BEND7: variants seen among roughly 807,000 people sequenced by gnomAD.
The protein encoded by BEND7 is BEN domain-containing protein 7.
In BEND7, 28 loss-of-function variants were observed where a neutral mutation model predicts 50.9. That is an observed-to-expected ratio of 0.55 (90% CI 0.41 to 0.75). BEND7 has a LOEUF of 0.75. Ranked by LOEUF, BEND7 falls within the 30% of genes least tolerant of loss-of-function variation. BEND7 has a pLI of 0.00. For missense variants in BEND7, 477 were observed against 491.3 expected, an observed-to-expected ratio of 0.97 and a Z score of 0.28; for synonymous variants, 170 against 183.9, an observed-to-expected ratio of 0.92 and a Z score of 0.61.
chr10:13,524,063 GCAA>G (rs1450326457), intron 2 of BEND7, among the ~76,000 whole-genome samples: 10 of 152,196 alleles, frequency 6.6e-5, no homozygotes, highest in African/African-American at 1.9e-4. Context: ...AAGAAGAAAA[GCAA>G]CAACGTCTAT....
Position 13,511,463 on chromosome 10 carries a change from G to C in BEND7, c.146-11383C>G, listed in dbSNP as rs560076340. 3 of 152,246 alleles carry C rather than the reference G, an allele frequency of 2.0e-5. No individual in the cohort carries two copies. The South Asian group carries it at 6.2e-4, about 32-fold the overall frequency. The allele number at this position is 152,246 out of a possible 1,614,324, so 9.4% of individuals were successfully genotyped here. A position where few individuals can be genotyped will look rare whatever the true frequency, so the allele number is the denominator to read the frequency against. ...TGTGGTATTCTCAAGCTGGGTATAA[G>C]GCAACTGGTAGATGTAGCTGTGGAC... On this transcript the variant is annotated intron_variant, in intron 2 of 8. Transcript: ENST00000466271.
intron 8 of BEND7, chr10:13,445,541 TG>T (rs1554802511): frequency 6.6e-6 from 1 of 152,176 alleles, no homozygotes; most frequent in Non-Finnish European, 1.5e-5. Context: ...TTAATGTTTC[TG>T]GGCCTCAGGC....
At chr10:13,472,045 A>G (rs377403695) in intron 6 of BEND7, among the ~76,000 whole-genome samples, 38 of 151,274 alleles carry the variant, frequency 2.5e-4, no homozygotes, top group African/African-American at 9.0e-4. Flanking sequence ...ACCCGTCATC[A>G]CTGTTAGACT....
At position 13,454,710 on chromosome 10, in the gene BEND7, A is replaced by C. The variant is rs61833863; in HGVS notation, c.1064-2052T>G. ...TGCATTATTTTTTATTGCTGCATTG[A>C]ATTTTTTTTTTCCTGAATATTTTCA... On this transcript the variant is annotated intron_variant, in intron 6 of 8. Coordinates refer to ENST00000466271, the MANE Select transcript of BEND7 (RefSeq NM_001369863.1). Among the ~76,000 whole-genome samples, 1,099 of 152,226 alleles carry C rather than the reference A, an allele frequency of 7.2e-3. 2 individuals are homozygous for C. The highest frequency in any genetic ancestry group is 0.012 in the Non-Finnish European group (834 of 68,008).
intron 6 of BEND7, among the ~76,000 whole-genome samples, chr10:13,469,130 G>A (rs2153442): frequency 0.54 from 81,873 of 152,070 alleles, 22,805 homozygotes; most frequent in East Asian, 0.75. Flanking sequence ...TTAAAATAAC[G>A]AAGATTGGAT....
chr10:13,499,738 C>A, intron 3 of BEND7, 40 bp downstream of exon 3: 4 of 1,557,846 alleles, frequency 2.6e-6, no homozygotes, highest in Non-Finnish European at 3.5e-6. Flanking sequence ...ACAGTACAAA[C>A]CCCCATGAGA....
At chr10:13,501,441 A>G (rs1027862822) in intron 2 of BEND7, among the ~76,000 whole-genome samples, 3 of 151,928 alleles carry the variant, frequency 2.0e-5, no homozygotes, top group Admixed American at 1.3e-4. Flanking sequence ...GAGGATGCTG[A>G]TATCTGTTAG....
chr10:13,489,432 A>G (rs562317047), intron 5 of BEND7, among the ~76,000 whole-genome samples: 1 of 152,312 alleles, frequency 6.6e-6, no homozygotes, highest in East Asian at 1.9e-4. Flanking sequence ...CGCAGTGGAC[A>G]AGGGCAGATG....
At chr10:13,471,715 G>A (rs34318495) in intron 6 of BEND7, among the ~76,000 whole-genome samples, 14,625 of 152,274 alleles carry the variant, frequency 0.096, 738 homozygotes, top group Middle Eastern at 0.13. Flanking sequence ...GGGCAGCTCA[G>A]ACAAGGCTAC....
intron 6 of BEND7, among the ~76,000 whole-genome samples, chr10:13,454,721 TC>T (rs1838542103): frequency 6.6e-6 from 1 of 152,204 alleles, no homozygotes. Context: ...ATTTTTTTTT[TC>T]CTGAATATTT....
In BEND7 at chr10:13,441,703, T is replaced by C; in HGVS notation, c.*40A>G. 1 of 1,613,054 alleles carries C rather than the reference T, an allele frequency of 6.2e-7. No homozygotes were observed. On this transcript the variant is annotated 3_prime_UTR_variant, in exon 9 of 9. Transcript: ENST00000466271. ...GGCAGAGGACGGATTTTAAAACCCA[T>C]GGTGCAAAAAACACAAGAGCTGTGG...
At chr10:13,497,524 C>G (rs1184879478) in intron 3 of BEND7, among the ~76,000 whole-genome samples, 1 of 152,266 alleles carries the variant, frequency 6.6e-6, no homozygotes, top group East Asian at 1.9e-4. Context: ...TCTTCAGCTT[C>G]ACAAAGAAAA....
At chr10:13,440,603 G>A (rs1835195956), downstream of BEND7, among the ~76,000 whole-genome samples, 2 of 152,234 alleles carry the variant, frequency 1.3e-5, no homozygotes, top group Non-Finnish European at 2.9e-5. Context: ...GCAGGGGACA[G>A]AGCACGCCCG....
downstream of BEND7, among the ~76,000 whole-genome samples, chr10:13,440,758 G>A (rs1029327068): frequency 2.6e-5 from 4 of 152,246 alleles, no homozygotes; most frequent in African/African-American, 4.8e-5. Flanking sequence ...CATAGAAGCA[G>A]GGCTTAACCT....
At chr10:13,480,872 C>A (rs2075807335) in intron 6 of BEND7, 27 bp downstream of exon 6, 1 of 1,612,204 alleles carries the variant, frequency 6.2e-7, no homozygotes, top group Non-Finnish European at 8.5e-7. Context: ...AACGAAGAAC[C>A]CACAAAATGA....
At chr10:13,513,028 T>C (rs1021782307) in intron 2 of BEND7, among the ~76,000 whole-genome samples, 3 of 152,212 alleles carry the variant, frequency 2.0e-5, no homozygotes, top group Non-Finnish European at 4.4e-5. Flanking sequence ...CACATACAGA[T>C]ATGTATACCA....
intron 3 of BEND7, among the ~76,000 whole-genome samples, chr10:13,498,053 T>C (rs1588957444): frequency 6.6e-6 from 1 of 150,532 alleles, no homozygotes; most frequent in Admixed American, 6.7e-5. Context: ...CACAGTTATA[T>C]GTAATATATT....
chr10:13,475,100 G>C (rs1374770459), intron 6 of BEND7, among the ~76,000 whole-genome samples: 1 of 152,214 alleles, frequency 6.6e-6, no homozygotes, highest in African/African-American at 2.4e-5. Flanking sequence ...GCTACACACA[G>C]AGAACAGCCG....
chr10:13,494,267 A>G (rs1322254766), intron 4 of BEND7, among the ~76,000 whole-genome samples: 1 of 152,138 alleles, frequency 6.6e-6, no homozygotes, highest in Non-Finnish European at 1.5e-5. Flanking sequence ...AAATACAAAA[A>G]TTAGCTGGGC....
Sources: gnomAD v4.1 joint callset for allele counts (sites outside exome capture counted in the v4.1 genomes callset) on GRCh38, gnomAD v4.1.1 for gene constraint, MANE v1.5 for transcripts, NCBI Gene and HGNC (gene_info 2026-07-23, HGNC 2026-07-21) for gene names.